ARHGEF33: variants seen among roughly 807,000 people sequenced by gnomAD.
ARHGEF33 encodes the protein DH and coiled-coil domain-containing protein ENSP00000381780.
Under a neutral mutation model 101.9 loss-of-function variants are expected in ARHGEF33, and 72 were observed. That is an observed-to-expected ratio of 0.71 (90% CI 0.58 to 0.86). ARHGEF33 has a LOEUF of 0.86. Among genes scored for constraint, ARHGEF33 ranks in the 40% least tolerant of loss-of-function variants. The pLI is 0.00. For missense variants in ARHGEF33, 1,169 were observed against 1,111.3 expected, an observed-to-expected ratio of 1.05 and a Z score of -0.74; for synonymous variants, 499 against 442.5, an observed-to-expected ratio of 1.13 and a Z score of -1.60.
chr2:38,940,004 CA>C (rs1667263050), intron 9 of ARHGEF33, among the ~76,000 whole-genome samples: 1 of 152,178 alleles, frequency 6.6e-6, no homozygotes, highest in African/African-American at 2.4e-5. Context: ...GCTCCAGGTT[CA>C]TTTTTTTTCC....
At chr2:38,924,101 A>G (rs189605038) in intron 4 of ARHGEF33, among the ~76,000 whole-genome samples, 2 of 152,296 alleles carry the variant, frequency 1.3e-5, no homozygotes, top group Non-Finnish European at 2.9e-5. Flanking sequence ...TAAAAATGGA[A>G]ACTTCTAAAA....
At chr2:38,944,192 C>G (rs767690297) in intron 10 of ARHGEF33, among the ~76,000 whole-genome samples, 162 bp downstream of exon 10, 3 of 152,208 alleles carry the variant, frequency 2.0e-5, no homozygotes, top group Non-Finnish European at 4.4e-5. Flanking sequence ...TCACTTTGTG[C>G]TGCTATGACA....
chr2:38,950,872 C>T, intron 10 of ARHGEF33, 117 bp from the exon 11 acceptor site: 7 of 923,152 alleles, frequency 7.6e-6, no homozygotes, highest in Non-Finnish European at 1.1e-5. Flanking sequence ...TTAATGCAGG[C>T]CTGTGACTCA....
At chr2:38,931,328 T>C in intron 7 of ARHGEF33, 77 bp downstream of exon 7, 1 of 1,279,186 alleles carries the variant, frequency 7.8e-7, no homozygotes, top group Non-Finnish European at 1.1e-6. Context: ...GCTTAAACCC[T>C]CCATCTTTGT....
intron 10 of ARHGEF33, among the ~76,000 whole-genome samples, chr2:38,950,627 T>C (rs887094220): frequency 7.2e-5 from 11 of 152,134 alleles, no homozygotes; most frequent in African/African-American, 2.7e-4. Context: ...TTTTTGTATT[T>C]TTAGTAGAGA....
At chr2:38,946,805 T>C (rs1572767141) in intron 10 of ARHGEF33, among the ~76,000 whole-genome samples, 1 of 152,164 alleles carries the variant, frequency 6.6e-6, no homozygotes, top group East Asian at 1.9e-4. Context: ...TTTATATTTT[T>C]AGTAGAGATT....
At chr2:38,959,817 T>C (rs746116560) in intron 15 of ARHGEF33, 24 bp from the exon 16 acceptor site, 4 of 1,522,310 alleles carry the variant, frequency 2.6e-6, no homozygotes, top group Non-Finnish European at 3.5e-6. Context: ...CACAGCTCTT[T>C]TGTACTCTGT....
intron 2 of ARHGEF33, among the ~76,000 whole-genome samples, chr2:38,906,212 A>T (rs181932661): frequency 2.9e-3 from 436 of 152,098 alleles, no homozygotes; most frequent in Non-Finnish European, 4.9e-3. Context: ...AAAAAGAAAA[A>T]AATTCTGAAG....
intron 15 of ARHGEF33, 40 bp from the exon 16 acceptor site, chr2:38,959,801 C>T: frequency 6.7e-7 from 1 of 1,493,710 alleles, no homozygotes; most frequent in Non-Finnish European, 9.0e-7. Context: ...ACTAACCGGC[C>T]GTAAGCACAG....
intron 8 of ARHGEF33, among the ~76,000 whole-genome samples, chr2:38,936,369 C>T (rs1201779491): frequency 6.6e-6 from 1 of 152,104 alleles, no homozygotes; most frequent in Non-Finnish European, 1.5e-5. Flanking sequence ...GAAAAATGGC[C>T]AAATAAGACA....
chr2:38,956,626 C>T (rs1194485841), intron 13 of ARHGEF33, among the ~76,000 whole-genome samples: 1 of 152,142 alleles, frequency 6.6e-6, no homozygotes, highest in East Asian at 1.9e-4. Context: ...TTCAGAGGTC[C>T]AATTAGGAGA....
intron 4 of ARHGEF33, among the ~76,000 whole-genome samples, chr2:38,924,882 T>G (rs993465469): frequency 6.6e-6 from 1 of 152,258 alleles, no homozygotes. Context: ...TACAAAATTT[T>G]AAAACAAAAA....
chr2:38,972,731 A>G (rs574373223), intron 17 of ARHGEF33, among the ~76,000 whole-genome samples: 12 of 152,332 alleles, frequency 7.9e-5, no homozygotes, highest in Admixed American at 4.6e-4. Context: ...TAGCAAACCA[A>G]TGATAGTACA....
chr2:38,895,018 C>G (rs1051053996), intron 1 of ARHGEF33, among the ~76,000 whole-genome samples: 1 of 151,986 alleles, frequency 6.6e-6, no homozygotes, highest in African/African-American at 2.4e-5. Flanking sequence ...CAGATTCACC[C>G]AGAATAAAGG....
At chr2:38,931,518 T>C (rs1034459237) in intron 7 of ARHGEF33, among the ~76,000 whole-genome samples, 1 of 152,174 alleles carries the variant, frequency 6.6e-6, no homozygotes, top group Non-Finnish European at 1.5e-5. Flanking sequence ...TAATTTATTG[T>C]ACAATCATTA....
intron 9 of ARHGEF33, among the ~76,000 whole-genome samples, chr2:38,941,171 C>G (rs188259489): frequency 5.2e-4 from 79 of 152,156 alleles, no homozygotes; most frequent in Non-Finnish European, 9.9e-4. Flanking sequence ...AACTTTTGGC[C>G]TTTCATTAGT....
At position 38,915,382 on chromosome 2, in the gene ARHGEF33, C is replaced by CTTT. The variant is rs35975491; in HGVS notation, c.-85-3963_-85-3961dup. ...TTCTCTAACGTAGTTTTTTTATTGA[C>CTTT]TTTTTTTTTTTTTTTTTTTTGAGAC... On this transcript the variant is annotated intron_variant, in intron 2 of 17. Coordinates refer to ENST00000409978, the MANE Select transcript of ARHGEF33 (RefSeq NM_001145451.5). 3.5e-3 allele frequency among the ~76,000 whole-genome samples: 397 copies of CTTT among 112,372 alleles called. 6 individuals carry two copies. The highest frequency in any genetic ancestry group is 0.012 in the African/African-American group (378 of 30,722). The allele number at this position is 112,372 out of a possible 152,430, so 73.7% of individuals were successfully genotyped here. A position where few individuals can be genotyped will look rare whatever the true frequency, so the allele number is the denominator to read the frequency against.
intron 16 of ARHGEF33, among the ~76,000 whole-genome samples, chr2:38,961,128 C>G (rs1667927121): frequency 6.6e-6 from 1 of 152,212 alleles, no homozygotes; most frequent in Middle Eastern, 3.2e-3. Context: ...CAGCCTACTC[C>G]ACTTCTTCCC....
chr2:38,945,030 A>G (rs1160322118), intron 10 of ARHGEF33, among the ~76,000 whole-genome samples: 3 of 152,152 alleles, frequency 2.0e-5, no homozygotes, highest in Non-Finnish European at 2.9e-5. Context: ...AGGAAGGAGG[A>G]AAGTAAGACT....
Sources: gnomAD v4.1 joint callset for allele counts (sites outside exome capture counted in the v4.1 genomes callset) on GRCh38, gnomAD v4.1.1 for gene constraint, MANE v1.5 for transcripts, NCBI Gene and HGNC (gene_info 2026-07-23, HGNC 2026-07-21) for gene names.